The following STIM2 variants were observed in gnomAD, a reference collection of about 807,000 sequenced individuals.
STIM2 encodes the protein stromal interaction molecule 2.
In STIM2, 31 loss-of-function variants were observed where a neutral mutation model predicts 85.8. That is an observed-to-expected ratio of 0.36 (90% CI 0.27 to 0.49). The LOEUF is 0.49. STIM2 is among the 20% of genes least tolerant of loss of function. STIM2 has a pLI of 0.98. For synonymous variants in STIM2, 356 were observed against 331.1 expected (o/e 1.08, Z -0.82); for missense variants, 841 against 927.6 (o/e 0.91, Z 1.21).
At chr4:27,018,257 C>G (rs972607853) in intron 11 of STIM2, among the ~76,000 whole-genome samples, 2 of 152,134 alleles carry the variant, frequency 1.3e-5, no homozygotes, top group Non-Finnish European at 2.9e-5. Context: ...GCTTGCAGTT[C>G]TCAAAGTTCA....
intron 7 of STIM2, among the ~76,000 whole-genome samples, 164 bp downstream of exon 7, chr4:27,003,268 A>G (rs1474268971): frequency 1.3e-5 from 2 of 152,204 alleles, no homozygotes; most frequent in Non-Finnish European, 2.9e-5. Flanking sequence ...AAGTTCATAT[A>G]GCAAAATAAC....
At chr4:26,890,048 A>G (rs1723406819) in intron 1 of STIM2, among the ~76,000 whole-genome samples, 1 of 152,080 alleles carries the variant, frequency 6.6e-6, no homozygotes, top group Admixed American at 6.5e-5. Flanking sequence ...TTCCAAGCAA[A>G]ATGAGAGCCA....
chr4:26,955,889 T>A (rs1726222216), intron 2 of STIM2, among the ~76,000 whole-genome samples: 1 of 152,166 alleles, frequency 6.6e-6, no homozygotes, highest in South Asian at 2.1e-4. Context: ...CCTAGAACAT[T>A]GTTTCTTTAT....
At chr4:26,958,419 G>T (rs1302635586) in intron 3 of STIM2, among the ~76,000 whole-genome samples, 1 of 152,058 alleles carries the variant, frequency 6.6e-6, no homozygotes, top group Non-Finnish European at 1.5e-5. Flanking sequence ...TATATTGTAA[G>T]CATATATTTT....
At chr4:26,869,657 C>A (rs1722538640) in intron 1 of STIM2, among the ~76,000 whole-genome samples, 1 of 151,972 alleles carries the variant, frequency 6.6e-6, no homozygotes, top group Admixed American at 6.6e-5. Context: ...GCCTCCCAGG[C>A]TGTGAGGCAC....
Position 27,013,492 on chromosome 4 carries a change from C to G in STIM2, c.1490-4219C>G, listed in dbSNP as rs1577497629. Among the ~76,000 whole-genome samples, 3 of 151,914 alleles carry G rather than the reference C, an allele frequency of 2.0e-5. No individual in the cohort carries two copies. The South Asian group carries it at 6.2e-4, about 32-fold the overall frequency. On this transcript the variant is annotated intron_variant, in intron 10 of 11. Coordinates refer to ENST00000467087, the MANE Select transcript of STIM2 (RefSeq NM_020860.4). The stretch of plus-strand genomic sequence containing the variant: ...CAAGGATAAGGGGGAATACTATACT[C>G]CTTATTCTTTCATTCCATTCTTTTC...
intron 5 of STIM2, among the ~76,000 whole-genome samples, chr4:27,001,219 G>C (rs1728140172): frequency 6.6e-6 from 1 of 152,304 alleles, no homozygotes; most frequent in Middle Eastern, 3.4e-3. Context: ...ACTGTGAGCT[G>C]TATCTCTTTG....
Position 26,873,743 on chromosome 4 carries a change from G to C in STIM2, c.151+12374G>C, listed in dbSNP as rs537779416. ...AGATGCTGAATTTCTGCCTCCACAG[G>C]CTCTAGGTCACTGTCAGACTCACTG... is the stretch of plus-strand genomic sequence containing the variant. On this transcript the variant is annotated intron_variant, in intron 1 of 11. Coordinates refer to ENST00000467087, the MANE Select transcript of STIM2 (RefSeq NM_020860.4). 10 of 882,894 alleles carry C rather than the reference G, an allele frequency of 1.1e-5. No homozygotes were observed. In the East Asian group the frequency reaches 2.7e-4, roughly 24 times the overall value. 54.7% of individuals were successfully genotyped at this position (882,894 alleles called of 1,614,324 possible).
intron 1 of STIM2, among the ~76,000 whole-genome samples, chr4:26,869,024 G>A (rs1722508947): frequency 6.6e-6 from 1 of 152,166 alleles, no homozygotes; most frequent in Admixed American, 6.5e-5. Flanking sequence ...GTCGTACGCT[G>A]TAGCTTATGC....
intron 3 of STIM2, among the ~76,000 whole-genome samples, chr4:26,994,853 T>C (rs558962777): frequency 6.6e-6 from 1 of 152,252 alleles, no homozygotes; most frequent in African/African-American, 2.4e-5. Context: ...CTGACATCTT[T>C]CCTGCTTTTC....
intron 1 of STIM2, among the ~76,000 whole-genome samples, chr4:26,890,916 A>T (rs184342953): frequency 6.6e-6 from 1 of 152,048 alleles, no homozygotes; most frequent in African/African-American, 2.4e-5. Context: ...TGATTAACCT[A>T]TATGAGCCTG....
At position 26,949,826 on chromosome 4, in the gene STIM2, G is replaced by T. The variant is rs114335213; in HGVS notation, c.283-7786G>T. On this transcript the variant is annotated intron_variant, in intron 2 of 11. Transcript: ENST00000467087. ...TCCCCCATTCATTATCAGTGTTACT[G>T]CTTGTGATTTTTCTCCTGTAACATT... 4.0e-3 allele frequency among the ~76,000 whole-genome samples: 604 copies of T among 152,088 alleles called. 6 individuals carry two copies. Among genetic ancestry groups the T allele is most frequent in the African/African-American group, 0.014 (573 of 41,476 alleles).
intron 1 of STIM2, among the ~76,000 whole-genome samples, chr4:26,874,722 T>C (rs1348817441): frequency 6.6e-6 from 1 of 152,190 alleles, no homozygotes; most frequent in African/African-American, 2.4e-5. Flanking sequence ...TTGGAAGTAG[T>C]AAAATCAGTA....
intron 2 of STIM2, among the ~76,000 whole-genome samples, chr4:26,938,644 A>G (rs1725480529): frequency 6.6e-6 from 1 of 152,200 alleles, no homozygotes. Context: ...GATTGTCGTA[A>G]GGTAAAGTGC....
chr4:26,879,531 T>C (rs1722926704), intron 1 of STIM2, among the ~76,000 whole-genome samples: 1 of 152,224 alleles, frequency 6.6e-6, no homozygotes, highest in African/African-American at 2.4e-5. Context: ...ACACAGTCAT[T>C]GTGTTAAGTT....
chr4:26,923,669 C>T (rs1724900472), intron 2 of STIM2, among the ~76,000 whole-genome samples: 1 of 92,868 alleles, frequency 1.1e-5, no homozygotes, highest in Non-Finnish European at 2.1e-5. Flanking sequence ...CAAATTCACA[C>T]ATAACAATAT....
At chr4:27,009,399 A>G (rs147817146) in intron 10 of STIM2, among the ~76,000 whole-genome samples, 1 of 152,304 alleles carries the variant, frequency 6.6e-6, no homozygotes, top group Non-Finnish European at 1.5e-5. Context: ...ATAGCACACT[A>G]TAAATGCCAA....
intron 1 of STIM2, chr4:26,873,607 A>G: frequency 2.0e-6 from 1 of 507,628 alleles, no homozygotes; most frequent in Non-Finnish European, 3.7e-6. Context: ...TGGTGATCAG[A>G]CAGGGCTTGT....
At chr4:26,987,202 A>AT (rs1295580450) in intron 3 of STIM2, among the ~76,000 whole-genome samples, 1 of 152,016 alleles carries the variant, frequency 6.6e-6, no homozygotes, top group East Asian at 1.9e-4. Flanking sequence ...CAATCTCTTC[A>AT]TTCTCCCTGT....
Sources: gnomAD v4.1 joint callset for allele counts (sites outside exome capture counted in the v4.1 genomes callset) on GRCh38, gnomAD v4.1.1 for gene constraint, MANE v1.5 for transcripts, NCBI Gene and HGNC (gene_info 2026-07-23, HGNC 2026-07-21) for gene names.